Variants in LSM14A observed in about 807,000 individuals in gnomAD.
LSM14A encodes LSM14A mRNA processing body assembly factor.
Under a neutral mutation model 52.4 loss-of-function variants are expected in LSM14A, and 14 were observed. That is an observed-to-expected ratio of 0.27 (90% CI 0.18 to 0.42). The LOEUF is 0.42. Among genes scored for constraint, LSM14A ranks in the 10% least tolerant of loss-of-function variants. The pLI is 1.00. For synonymous variants in LSM14A, 185 were observed against 200.3 expected (o/e 0.92, Z 0.64); for missense variants, 417 against 581.8 (o/e 0.72, Z 2.91).
intron 9 of LSM14A, among the ~76,000 whole-genome samples, chr19:34,223,905 C>T (rs946011224): frequency 2.0e-5 from 3 of 152,214 alleles, no homozygotes; most frequent in Non-Finnish European, 4.4e-5. Flanking sequence ...GATCATTAAA[C>T]TTTCAGAGTT....
chr19:34,206,053 A>T (rs1015774136), intron 3 of LSM14A, among the ~76,000 whole-genome samples: 1 of 152,176 alleles, frequency 6.6e-6, no homozygotes, highest in Non-Finnish European at 1.5e-5. Flanking sequence ...AAAAATAGCA[A>T]ACCAACACAA....
intron 9 of LSM14A, chr19:34,221,971 C>A: frequency 1.9e-6 from 1 of 527,394 alleles, no homozygotes; most frequent in Non-Finnish European, 2.4e-6. Flanking sequence ...CTTTTAACAC[C>A]CAAAGAGTCT....
At chr19:34,199,842 C>T (rs1040341270) in intron 3 of LSM14A, among the ~76,000 whole-genome samples, 3 of 152,166 alleles carry the variant, frequency 2.0e-5, no homozygotes, top group African/African-American at 7.2e-5. Flanking sequence ...TTTCTAATCT[C>T]AGTATAATAA....
intron 1 of LSM14A, among the ~76,000 whole-genome samples, chr19:34,184,490 A>G (rs899480822): frequency 2.0e-5 from 3 of 152,216 alleles, no homozygotes; most frequent in Non-Finnish European, 4.4e-5. Context: ...GCCATTATCT[A>G]TAATAGATTC....
chr19:34,179,727 T>C (rs2069340654), intron 1 of LSM14A, among the ~76,000 whole-genome samples: 1 of 152,162 alleles, frequency 6.6e-6, no homozygotes. Context: ...AGAAATCTTA[T>C]CTGTGCATGA....
chr19:34,193,066 T>C (rs2070570160), intron 1 of LSM14A, among the ~76,000 whole-genome samples: 1 of 152,208 alleles, frequency 6.6e-6, no homozygotes, highest in Non-Finnish European at 1.5e-5. Flanking sequence ...ATATTCTCTA[T>C]TTGGAACTTC....
intron 1 of LSM14A, among the ~76,000 whole-genome samples, chr19:34,192,319 G>GTTTTTTTTTGTT (rs2070457124): frequency 1.9e-5 from 1 of 53,410 alleles, no homozygotes; most frequent in African/African-American, 8.1e-5. Flanking sequence ...TCTTTTTGTT[G>GTTTTTTTTTGTT]TTTTTTTTTT....
chr19:34,209,825 C>T (rs1260636), intron 4 of LSM14A, among the ~76,000 whole-genome samples: 52,236 of 150,560 alleles, frequency 0.35, 9,446 homozygotes, highest in African/African-American at 0.39. Flanking sequence ...GGATTACAGG[C>T]GTGAGCCATT....
intron 4 of LSM14A, among the ~76,000 whole-genome samples, chr19:34,212,345 A>G (rs2072226367): frequency 6.6e-6 from 1 of 152,194 alleles, no homozygotes; most frequent in Non-Finnish European, 1.5e-5. Flanking sequence ...AGTAGATGAT[A>G]AAGGTATTAT....
chr19:34,222,296 T>C (rs1348523578), intron 9 of LSM14A, among the ~76,000 whole-genome samples: 1 of 152,260 alleles, frequency 6.6e-6, no homozygotes, highest in East Asian at 1.9e-4. Flanking sequence ...GAAAATTCAC[T>C]ACATTTTCCC....
At position 34,172,776 on chromosome 19, in the gene LSM14A, G is replaced by A. The variant is rs1181944324; in HGVS notation, c.121+13G>A. 1.3e-6 allele frequency: 2 copies of A among 1,564,690 alleles called. No individual in the cohort carries two copies. The highest frequency in any genetic ancestry group is 1.7e-6 in the Non-Finnish European group (2 of 1,157,940). ...GCCCTTGCCAAAGGTACGCGGGACC[G>A]GGCCTCAGGGTGGGGGCCGAGCCGG... is the stretch of plus-strand genomic sequence containing the variant. On this transcript the variant is annotated intron_variant, in intron 1 of 9. Transcript: ENST00000544216.
rs1256995731 is a variant in LSM14A at position 34,194,559 on chromosome 19, G to A, written c.203G>A (p.Arg68His). The stretch of plus-strand genomic sequence containing the variant: ...GAAGTCTTTGAATACATTATATTCC[G>A]TGGGAGTGACATTAAAGACCTTACT... The part of the protein sequence containing the change: ...RDEVFEYIIF[R>H]GSDIKDLTVC... The change falls in exon 2 of 10, where the codon CGT becomes CAT. Residue 68 changes from arginine (R) to histidine (H), a missense_variant. By Grantham distance (29) the Arg-to-His change is conservative. Coordinates refer to ENST00000544216, the MANE Select transcript of LSM14A (RefSeq NM_015578.4). 6.2e-7 allele frequency: 1 copy of A among 1,613,858 alleles called. No individual in the cohort carries two copies. The highest frequency in any genetic ancestry group is 1.3e-5 in the African/African-American group (1 of 74,906).
chr19:34,207,532 A>ATTTT (rs1316686200), intron 3 of LSM14A, among the ~76,000 whole-genome samples: 2 of 136,202 alleles, frequency 1.5e-5, no homozygotes, highest in African/African-American at 5.4e-5. Context: ...CTGAAGCCAC[A>ATTTT]TTTTTTTTTT....
intron 1 of LSM14A, among the ~76,000 whole-genome samples, chr19:34,176,381 A>C (rs889829305): frequency 6.6e-6 from 1 of 152,110 alleles, no homozygotes; most frequent in Non-Finnish European, 1.5e-5. Flanking sequence ...TTAAACAAAC[A>C]TCTTTGTAAC....
intron 1 of LSM14A, among the ~76,000 whole-genome samples, chr19:34,190,834 T>C (rs544442512): frequency 6.6e-6 from 1 of 152,292 alleles, no homozygotes; most frequent in East Asian, 1.9e-4. Context: ...TGAGTTATTT[T>C]GATATACCAA....
chr19:34,203,235 TTC>T (rs2071429951), intron 3 of LSM14A, among the ~76,000 whole-genome samples: 1 of 152,216 alleles, frequency 6.6e-6, no homozygotes, highest in African/African-American at 2.4e-5. Flanking sequence ...TAGATGTTTT[TTC>T]TGTTATATTT....
intron 1 of LSM14A, among the ~76,000 whole-genome samples, chr19:34,184,055 C>CTTTT (rs34912989): frequency 3.1e-5 from 4 of 129,874 alleles, no homozygotes; most frequent in Non-Finnish European, 6.5e-5. Context: ...CTTTCCTTTG[C>CTTTT]TTTTTTTTTT....
At chr19:34,172,937 G>C (rs868017075) in intron 1 of LSM14A, among the ~76,000 whole-genome samples, 174 bp downstream of exon 1, 10 of 152,168 alleles carry the variant, frequency 6.6e-5, no homozygotes, top group African/African-American at 2.4e-4. Flanking sequence ...CCTCCCCGCG[G>C]CTCCCTGGTT....
At chr19:34,213,788 T>A (rs1321971144) in intron 4 of LSM14A, among the ~76,000 whole-genome samples, 1 of 152,064 alleles carries the variant, frequency 6.6e-6, no homozygotes, top group African/African-American at 2.4e-5. Context: ...CTCTTTTATA[T>A]TTGTATTTTT....
Sources: gnomAD v4.1 joint callset for allele counts (sites outside exome capture counted in the v4.1 genomes callset) on GRCh38, gnomAD v4.1.1 for gene constraint, MANE v1.5 for transcripts, NCBI Gene and HGNC (gene_info 2026-07-23, HGNC 2026-07-21) for gene names.